Variants in BCL2L13 observed in about 807,000 individuals in gnomAD.
The protein encoded by BCL2L13 is bcl-2-like protein 13.
A neutral mutation model predicts 25.8 loss-of-function variants in BCL2L13; 13 were observed. The ratio of observed to expected loss-of-function variants is 0.50; its 90% CI spans 0.33 to 0.80. The LOEUF (loss-of-function observed/expected upper bound fraction) is 0.80. BCL2L13 is among the 30% of genes least tolerant of loss of function. The pLI, the probability that BCL2L13 is intolerant of heterozygous loss-of-function variation, is 0.02. For missense variants in BCL2L13, 504 were observed against 574.9 expected (o/e 0.88, Z 1.26); for synonymous variants, 244 against 230.3 (o/e 1.06, Z -0.54).
At chr22:17,668,673 G>A (rs1218486841) in intron 2 of BCL2L13, among the ~76,000 whole-genome samples, 1 of 152,114 alleles carries the variant, frequency 6.6e-6, no homozygotes, top group Non-Finnish European at 1.5e-5. Flanking sequence ...CACCATGTTG[G>A]CCAGGCTGGT....
intron 6 of BCL2L13, among the ~76,000 whole-genome samples, chr22:17,708,081 C>T (rs2060642000): frequency 6.6e-6 from 1 of 151,756 alleles, no homozygotes; most frequent in South Asian, 2.1e-4. Context: ...TAGTTCCTAC[C>T]ACCAAAGCAA....
At chr22:17,645,695 A>G (rs746954213) in intron 1 of BCL2L13, among the ~76,000 whole-genome samples, 1 of 151,510 alleles carries the variant, frequency 6.6e-6, no homozygotes, top group Non-Finnish European at 1.5e-5. Flanking sequence ...GTGGATATAC[A>G]TTTGTTGTTA....
At chr22:17,683,539 A>C (rs183632327) in intron 3 of BCL2L13, among the ~76,000 whole-genome samples, 1 of 152,216 alleles carries the variant, frequency 6.6e-6, no homozygotes, top group Non-Finnish European at 1.5e-5. Context: ...CTAACAGGTT[A>C]GATGTAGCAG....
upstream of BCL2L13, chr22:17,638,197 G>T (rs114268023): frequency 1.8e-3 from 281 of 153,512 alleles, no homozygotes; most frequent in African/African-American, 6.0e-3. Flanking sequence ...TGTGTTCCAG[G>T]TACTGTTAAC....
intron 3 of BCL2L13, among the ~76,000 whole-genome samples, chr22:17,686,501 A>C (rs2059942334): frequency 1.4e-5 from 2 of 144,626 alleles, no homozygotes; most frequent in South Asian, 4.5e-4. Flanking sequence ...CTTGTCTTTT[A>C]TATTTCTTTT....
intron 6 of BCL2L13, among the ~76,000 whole-genome samples, chr22:17,715,144 ATATATATATATATATATATATATATATT>A (rs1307768296): frequency 0.13 from 763 of 5,762 alleles, 40 homozygotes; most frequent in Non-Finnish European, 0.16. Flanking sequence ...ATATATATAT[ATATATATATATATATATATATATATATT>A]TTTTTTTTTT....
At chr22:17,652,921 C>T (rs1176798803) in intron 1 of BCL2L13, among the ~76,000 whole-genome samples, 4 of 151,170 alleles carry the variant, frequency 2.6e-5, no homozygotes, top group East Asian at 2.0e-4. Context: ...AAAAATTAGC[C>T]GGGCGTGGTG....
chr22:17,633,306 G>T (rs1187206303), intron 1 of BCL2L13, among the ~76,000 whole-genome samples: 2 of 152,146 alleles, frequency 1.3e-5, no homozygotes, highest in African/African-American at 4.8e-5. Context: ...GAACAGGCCA[G>T]GTCCTGTCTG....
At chr22:17,700,928 G>A (rs1440761166) in intron 5 of BCL2L13, among the ~76,000 whole-genome samples, 1 of 152,170 alleles carries the variant, frequency 6.6e-6, no homozygotes, top group Admixed American at 6.5e-5. Context: ...TCCTGCAGAA[G>A]TATTTTGTCG....
intron 2 of BCL2L13, among the ~76,000 whole-genome samples, chr22:17,672,379 T>G (rs1046155892): frequency 1.3e-5 from 2 of 152,256 alleles, no homozygotes; most frequent in African/African-American, 4.8e-5. Flanking sequence ...TTGTTAATCT[T>G]CTATTCACTT....
intron 2 of BCL2L13, among the ~76,000 whole-genome samples, chr22:17,674,129 C>G (rs151265239): frequency 7.2e-5 from 11 of 152,188 alleles, no homozygotes; most frequent in South Asian, 4.1e-4. Context: ...GTGACACAGA[C>G]TAAATGTATA....
At position 17,727,465 on chromosome 22, in the gene BCL2L13, T is replaced by G. The variant is rs758402613; in HGVS notation, c.1389T>G (p.Phe463Leu). ...PLSEGKSILL[F>L]GGAAAVAILA... is the part of the protein sequence containing the mutation. ...CTGAGGGCAAGTCTATACTGCTGTT[T>G]GGAGGGGCTGCTGCTGTTGCCATCC... The change falls in exon 7 of 7, where the codon TTT becomes TTG. Residue 463 changes from phenylalanine to leucine, a missense_variant. Coordinates refer to ENST00000317582, the MANE Select transcript of BCL2L13 (RefSeq NM_015367.4). The G allele has an allele frequency of 5.6e-6, 9 of 1,614,158 alleles. No homozygotes were observed. The highest frequency in any genetic ancestry group is 2.2e-5 in the East Asian group (1 of 44,898).
intron 1 of BCL2L13, among the ~76,000 whole-genome samples, chr22:17,632,316 C>T (rs1248757046): frequency 6.6e-6 from 1 of 152,052 alleles, no homozygotes; most frequent in Non-Finnish European, 1.5e-5. Flanking sequence ...ACTGATAATG[C>T]TGGATAAAGG....
Position 17,638,822 on chromosome 22 carries a change from A to G in BCL2L13, c.-115A>G, listed in dbSNP as rs1202585785. The G allele has an allele frequency of 1.6e-6, 2 of 1,231,820 alleles. No homozygotes were observed. Among genetic ancestry groups the G allele is most frequent in the Non-Finnish European group, 2.0e-6 (2 of 988,206 alleles). 76.3% of individuals were successfully genotyped at this position (1,231,820 alleles called of 1,614,324 possible). Reference sequence around the variant, plus strand: ...TCGGAGCACTCACCGCCGCTGGGGGACCCTGTCGGAAGCAACTGCCGCCGC... The same window carrying G: ...TCGGAGCACTCACCGCCGCTGGGGGGCCCTGTCGGAAGCAACTGCCGCCGC... On this transcript the variant is annotated 5_prime_UTR_variant, in exon 1 of 7. Coordinates refer to ENST00000317582, the MANE Select transcript of BCL2L13 (RefSeq NM_015367.4).
chr22:17,638,436 A>T (rs1385315178), upstream of BCL2L13: 5 of 381,538 alleles, frequency 1.3e-5, no homozygotes, highest in Non-Finnish European at 2.3e-5. Flanking sequence ...AACGCAATAC[A>T]TGTTTGTGGA....
chr22:17,638,591 G>C, upstream of BCL2L13: 1 of 1,010,116 alleles, frequency 9.9e-7, no homozygotes, highest in African/African-American at 1.7e-5. Flanking sequence ...GTCGCAATCA[G>C]ATTTGGGCGG....
intron 5 of BCL2L13, among the ~76,000 whole-genome samples, chr22:17,701,534 G>C (rs890594074): frequency 5.3e-5 from 8 of 152,140 alleles, no homozygotes; most frequent in African/African-American, 1.9e-4. Context: ...TGTGGTGATT[G>C]GGTAGTAAGC....
intron 2 of BCL2L13, among the ~76,000 whole-genome samples, chr22:17,680,857 T>G (rs2059731317): frequency 6.6e-6 from 1 of 152,160 alleles, no homozygotes; most frequent in African/African-American, 2.4e-5. Flanking sequence ...CTCCCTTGAG[T>G]AAGATTTATG....
intron 1 of BCL2L13, among the ~76,000 whole-genome samples, chr22:17,640,626 G>C (rs1400087515): frequency 6.6e-6 from 1 of 151,886 alleles, no homozygotes; most frequent in Non-Finnish European, 1.5e-5. Context: ...GGAGGCTCAG[G>C]CAGGAGCATT....
Sources: allele counts gnomAD v4.1 joint callset (sites outside exome capture counted in the v4.1 genomes callset), GRCh38; gene constraint gnomAD v4.1.1; transcripts MANE v1.5; gene names NCBI Gene and HGNC (gene_info 2026-07-23, HGNC 2026-07-21).